The following ADARB1 variants were observed in gnomAD, a reference collection of about 807,000 sequenced individuals.
ADARB1 encodes the protein double-stranded RNA-specific editase 1.
A neutral mutation model predicts 52.4 loss-of-function variants in ADARB1; 10 were observed. The ratio of observed to expected loss-of-function variants is 0.19; its 90% CI spans 0.12 to 0.32. The LOEUF (loss-of-function observed/expected upper bound fraction) is 0.32. Ranked by LOEUF, ADARB1 falls within the 10% of genes least tolerant of loss-of-function variation. ADARB1 has a pLI of 1.00. For synonymous variants in ADARB1, 349 were observed against 371.1 expected, an observed-to-expected ratio of 0.94 and a Z score of 0.68; for missense variants, 643 against 922.3, an observed-to-expected ratio of 0.70 and a Z score of 3.92.
At chr21:45,137,639 C>G (rs2089467668) in intron 2 of ADARB1, among the ~76,000 whole-genome samples, 1 of 152,198 alleles carries the variant, frequency 6.6e-6, no homozygotes, top group Admixed American at 6.5e-5. Context: ...TGCCTTGCCC[C>G]TGATTGAGGC....
intron 9 of ADARB1, among the ~76,000 whole-genome samples, chr21:45,209,348 G>C (rs1455238882): frequency 6.6e-6 from 1 of 152,196 alleles, no homozygotes; most frequent in Non-Finnish European, 1.5e-5. Context: ...TCTGTAGCCA[G>C]TGCTCCTGCC....
At chr21:45,179,016 T>C (rs1307930757) in intron 4 of ADARB1, among the ~76,000 whole-genome samples, 1 of 152,234 alleles carries the variant, frequency 6.6e-6, no homozygotes, top group Non-Finnish European at 1.5e-5. Flanking sequence ...TTTTATTTCC[T>C]CTGGCTTATC....
chr21:45,092,898 AT>A (rs10718203), intron 1 of ADARB1, among the ~76,000 whole-genome samples: 75,389 of 150,014 alleles, frequency 0.5, 21,789 homozygotes, highest in South Asian at 0.67. Context: ...TGTACCTTTA[AT>A]TTTTTTTTTT....
chr21:45,216,221 T>C (rs1555926780), intron 9 of ADARB1, among the ~76,000 whole-genome samples: 1 of 152,128 alleles, frequency 6.6e-6, no homozygotes, highest in Non-Finnish European at 1.5e-5. Context: ...CTGATCAGTC[T>C]AGCTGGAAGT....
intron 1 of ADARB1, among the ~76,000 whole-genome samples, chr21:45,127,497 G>A (rs888924210): frequency 2.0e-5 from 3 of 152,320 alleles, no homozygotes; most frequent in East Asian, 1.9e-4. Context: ...ACGAGCTGAC[G>A]TGTGTTGTAG....
chr21:45,097,579 G>T (rs541856482), intron 1 of ADARB1, among the ~76,000 whole-genome samples: 4 of 152,000 alleles, frequency 2.6e-5, no homozygotes, highest in Admixed American at 6.6e-5. Context: ...GAGTGATGGA[G>T]CATGGCTGGT....
chr21:45,090,742 C>G (rs1455069691), intron 1 of ADARB1, among the ~76,000 whole-genome samples: 1 of 152,208 alleles, frequency 6.6e-6, no homozygotes, highest in African/African-American at 2.4e-5. Flanking sequence ...GTTCTGACCT[C>G]TCTCCACCTT....
chr21:45,223,998 G>A lies in ADARB1; in HGVS notation c.*1801G>A. ...GTCTCTGCCGCTCCGTCACCACAGTGGGGTTTTGTTCAGGCAGATCGCGCT... is the reference window on the plus strand; with the variant it reads ...GTCTCTGCCGCTCCGTCACCACAGTAGGGTTTTGTTCAGGCAGATCGCGCT... On this transcript the variant is annotated 3_prime_UTR_variant, in exon 11 of 11. Coordinates refer to ENST00000348831, the MANE Select transcript of ADARB1 (RefSeq NM_001112.4). The A allele has an allele frequency of 1.0e-6, 1 of 985,436 alleles. No individual in the cohort carries two copies. The highest frequency in any genetic ancestry group is 1.2e-6 in the Non-Finnish European group (1 of 829,970). 61.0% of individuals were successfully genotyped at this position (985,436 alleles called of 1,614,324 possible).
chr21:45,105,797 A>G (rs1207298002), intron 1 of ADARB1, among the ~76,000 whole-genome samples: 1 of 152,238 alleles, frequency 6.6e-6, no homozygotes, highest in Non-Finnish European at 1.5e-5. Flanking sequence ...GACTGGAAAC[A>G]TGATTCGTCT....
intron 1 of ADARB1, among the ~76,000 whole-genome samples, chr21:45,085,845 G>A (rs1191701727): frequency 6.6e-6 from 1 of 152,196 alleles, no homozygotes; most frequent in Non-Finnish European, 1.5e-5. Context: ...CCTAAAGGAC[G>A]TCATTGAGCA....
chr21:45,195,867 T>C (rs2092413274), intron 8 of ADARB1, among the ~76,000 whole-genome samples: 3 of 152,206 alleles, frequency 2.0e-5, no homozygotes, highest in African/African-American at 4.8e-5. Flanking sequence ...ATTATATTCC[T>C]TCAATACTGT....
At chr21:45,136,289 C>G (rs1211226486) in intron 2 of ADARB1, among the ~76,000 whole-genome samples, 1 of 152,202 alleles carries the variant, frequency 6.6e-6, no homozygotes, top group Admixed American at 6.5e-5. Flanking sequence ...CCAGCAAGCT[C>G]TACATGATGG....
intron 1 of ADARB1, among the ~76,000 whole-genome samples, chr21:45,093,455 T>C (rs1326533428): frequency 2.6e-5 from 4 of 152,208 alleles, no homozygotes; most frequent in Non-Finnish European, 4.4e-5. Context: ...GGACCCGGCT[T>C]TCTGTGGGTG....
At chr21:45,096,542 G>A (rs2086769511) in intron 1 of ADARB1, among the ~76,000 whole-genome samples, 2 of 152,154 alleles carry the variant, frequency 1.3e-5, no homozygotes, top group African/African-American at 4.8e-5. Context: ...TTTCCCTTTA[G>A]TGTTTCTATC....
At chr21:45,189,657 T>A (rs2146253572) in intron 8 of ADARB1, among the ~76,000 whole-genome samples, 1 of 152,286 alleles carries the variant, frequency 6.6e-6, no homozygotes, top group South Asian at 2.1e-4. Context: ...CTTTTGTTTA[T>A]CTGGAAAAGT....
Position 45,204,380 on chromosome 21 carries a change from T to C in ADARB1, c.1566-175T>C, listed in dbSNP as rs1362657988. 6.6e-6 allele frequency among the ~76,000 whole-genome samples: 1 copy of C among 152,222 alleles called. No homozygotes were observed. Among genetic ancestry groups the C allele is most frequent in the African/African-American group, 2.4e-5 (1 of 41,446 alleles). On this transcript the variant is annotated intron_variant, in intron 8 of 10. Coordinates refer to ENST00000348831, the MANE Select transcript of ADARB1 (RefSeq NM_001112.4). The surrounding 1 kb of genome is among the most constrained non-coding windows in gnomAD (Gnocchi z 4.4). ...AAAATAACTTTTAAGTAGATTTTTG[T>C]CTTTGTGATCGTAAGCTGCTAAATC...
intron 1 of ADARB1, among the ~76,000 whole-genome samples, chr21:45,096,977 G>C (rs2086791585): frequency 6.6e-6 from 1 of 152,202 alleles, no homozygotes; most frequent in Non-Finnish European, 1.5e-5. Context: ...CTGACCTTGT[G>C]ATCCACCCAC....
intron 1 of ADARB1, among the ~76,000 whole-genome samples, chr21:45,112,082 TAGTGAG>T (rs1212760358): frequency 1.3e-5 from 2 of 152,234 alleles, no homozygotes; most frequent in East Asian, 3.8e-4. Flanking sequence ...ACCTGCTTAC[TAGTGAG>T]ATTGAGCTTT....
At chr21:45,164,863 A>G (rs1158684638) in intron 2 of ADARB1, among the ~76,000 whole-genome samples, 2 of 152,050 alleles carry the variant, frequency 1.3e-5, no homozygotes, top group South Asian at 4.2e-4. Context: ...CAACTTTGGG[A>G]GAAGAGCTGG....
Sources: gnomAD v4.1 joint callset for allele counts (sites outside exome capture counted in the v4.1 genomes callset) on GRCh38, gnomAD v4.1.1 for gene constraint, Gnocchi (gnomAD v3.1) non-coding constraint, MANE v1.5 for transcripts, NCBI Gene and HGNC (gene_info 2026-07-23, HGNC 2026-07-21) for gene names.